INSC: variants seen among roughly 807,000 people sequenced by gnomAD.
The protein encoded by INSC is INSC spindle orientation adaptor protein.
A neutral mutation model predicts 58.6 loss-of-function variants in INSC; 67 were observed. The observed-to-expected ratio is 1.14, with a 90% CI of 0.94 to 1.40. The LOEUF (loss-of-function observed/expected upper bound fraction) is 1.40, where lower values mean the gene tolerates loss of function less well. INSC is among the 40% of genes most tolerant of loss of function. INSC has a pLI of 0.00. For synonymous variants in INSC, 262 were observed against 276.1 expected, an observed-to-expected ratio of 0.95 and a Z score of 0.51; for missense variants, 714 against 692.0, an observed-to-expected ratio of 1.03 and a Z score of -0.36.
intron 3 of INSC, among the ~76,000 whole-genome samples, chr11:15,176,609 T>C (rs1248596240): frequency 1.3e-5 from 2 of 152,166 alleles, no homozygotes; most frequent in African/African-American, 4.8e-5. Flanking sequence ...AGAGGCCAAA[T>C]AATTTATTTA....
intron 12 of INSC, 28 bp downstream of exon 12, chr11:15,240,551 T>C: frequency 6.3e-7 from 1 of 1,599,622 alleles, no homozygotes; most frequent in South Asian, 1.1e-5. Flanking sequence ...CCCCAGCTTT[T>C]CCCCTGGCCT....
intron 1 of INSC, among the ~76,000 whole-genome samples, chr11:15,147,296 G>C (rs1590360386): frequency 6.6e-6 from 1 of 152,106 alleles, no homozygotes; most frequent in African/African-American, 2.4e-5. Context: ...AGTAATGATG[G>C]AAATAACGAT....
intron 5 of INSC, among the ~76,000 whole-genome samples, chr11:15,185,602 A>G (rs142575223): frequency 7.6e-4 from 115 of 152,260 alleles, no homozygotes; most frequent in Non-Finnish European, 1.3e-3. Flanking sequence ...AGGGTGATCA[A>G]TAAAACACTT....
At chr11:15,176,539 G>A (rs909325806) in intron 3 of INSC, among the ~76,000 whole-genome samples, 1 of 152,058 alleles carries the variant, frequency 6.6e-6, no homozygotes. Flanking sequence ...AACACTTAAA[G>A]CAATTGATTA....
At chr11:15,207,526 C>T (rs1278843635) in intron 7 of INSC, among the ~76,000 whole-genome samples, 1 of 152,052 alleles carries the variant, frequency 6.6e-6, no homozygotes, top group East Asian at 1.9e-4. Flanking sequence ...GGGGCAGCTT[C>T]TTGGAATCAA....
chr11:15,210,899 C>T (rs1851000492), intron 7 of INSC, among the ~76,000 whole-genome samples: 1 of 152,106 alleles, frequency 6.6e-6, no homozygotes, highest in South Asian at 2.1e-4. Flanking sequence ...GGATCCACTT[C>T]TGGGAACAGT....
upstream of INSC, among the ~76,000 whole-genome samples, chr11:15,113,143 T>TTCTC: frequency 7.3e-3 from 718 of 98,672 alleles, 11 homozygotes; most frequent in Middle Eastern, 0.014. Flanking sequence ...CTTTCTTTCT[T>TTCTC]TCTGTCTCTC....
intron 1 of INSC, among the ~76,000 whole-genome samples, chr11:15,144,518 T>C (rs1217358159): frequency 1.3e-5 from 2 of 152,144 alleles, no homozygotes; most frequent in African/African-American, 2.4e-5. Context: ...CCTCTTCAAC[T>C]CCCAGCAGCC....
chr11:15,221,526 C>G lies in INSC; in HGVS notation c.869C>G (p.Ser290Ter), dbSNP rs964169944. ...GACATCCTGACCGACAACAGCCACT[C>G]AGAGGCCACACGGGCTGAGGCTGCG... ...LADILTDNSH[S>*]EATRAEAAAV... Residue 290 changes from serine to a stop codon, truncating the protein, a stop_gained, in exon 8 of 13, where the codon TCA (serine) becomes TGA (stop). Transcript: ENST00000379556. LOFTEE classifies it high-confidence loss of function. 7 of 1,613,794 alleles carry G rather than the reference C, an allele frequency of 4.3e-6. No homozygotes were observed. The highest frequency in any genetic ancestry group is 5.9e-6 in the Non-Finnish European group (7 of 1,179,914).
intron 2 of INSC, among the ~76,000 whole-genome samples, chr11:15,154,989 C>T (rs531282324): frequency 4.6e-5 from 7 of 152,136 alleles, no homozygotes; most frequent in Non-Finnish European, 1.0e-4. Flanking sequence ...CTAAAATGTG[C>T]CCTGTTCAGG....
intron 2 of INSC, among the ~76,000 whole-genome samples, chr11:15,164,379 T>C (rs76028766): frequency 0.013 from 2,055 of 152,268 alleles, 69 homozygotes; most frequent in African/African-American, 0.047. Context: ...GCTCTCTGAG[T>C]GTTCCTATCT....
chr11:15,204,253 G>A (rs1392140990), intron 7 of INSC, among the ~76,000 whole-genome samples: 4 of 152,222 alleles, frequency 2.6e-5, no homozygotes, highest in African/African-American at 7.2e-5. Flanking sequence ...ACTCAGAGAC[G>A]CGAAGCCACT....
chr11:15,113,214 A>G (rs1304243670), upstream of INSC, among the ~76,000 whole-genome samples: 5 of 149,002 alleles, frequency 3.4e-5, no homozygotes, highest in Admixed American at 6.8e-5. Context: ...GTGCAGTGGC[A>G]CAATCTTGGC....
At chr11:15,114,541 C>T (rs1230818416), upstream of INSC, among the ~76,000 whole-genome samples, 2 of 152,196 alleles carry the variant, frequency 1.3e-5, no homozygotes, top group Non-Finnish European at 2.9e-5. Flanking sequence ...TTCCCCTCTC[C>T]AGATGTTGGC....
At chr11:15,208,274 C>T (rs897036454) in intron 7 of INSC, among the ~76,000 whole-genome samples, 1 of 152,184 alleles carries the variant, frequency 6.6e-6, no homozygotes, top group Non-Finnish European at 1.5e-5. Flanking sequence ...ACTCCTCACA[C>T]CCCCAAACAC....
intron 7 of INSC, among the ~76,000 whole-genome samples, chr11:15,203,371 C>T (rs942766490): frequency 6.6e-6 from 1 of 152,182 alleles, no homozygotes; most frequent in African/African-American, 2.4e-5. Flanking sequence ...TTATAATACA[C>T]AGACACTCAT....
intron 8 of INSC, among the ~76,000 whole-genome samples, chr11:15,224,795 C>A (rs754129991): frequency 5.9e-5 from 9 of 152,128 alleles, no homozygotes; most frequent in Non-Finnish European, 1.0e-4. Context: ...CTTAAAGGCC[C>A]TTAGTACAAT....
chr11:15,155,003 T>C (rs1392704316), intron 2 of INSC, among the ~76,000 whole-genome samples: 1 of 152,226 alleles, frequency 6.6e-6, no homozygotes, highest in East Asian at 1.9e-4. Context: ...GTTCAGGTTT[T>C]ATAGAAGCCC....
intron 7 of INSC, among the ~76,000 whole-genome samples, chr11:15,213,063 G>C (rs1702520216): frequency 6.6e-6 from 1 of 152,106 alleles, no homozygotes; most frequent in Non-Finnish European, 1.5e-5. Context: ...TGTGAAGGTT[G>C]TGCAACTTCC....
Sources: gnomAD v4.1 joint callset for allele counts (sites outside exome capture counted in the v4.1 genomes callset) on GRCh38, gnomAD v4.1.1 for gene constraint, MANE v1.5 for transcripts, NCBI Gene and HGNC (gene_info 2026-07-23, HGNC 2026-07-21) for gene names.